The following IGSF3 variants were observed in gnomAD, a reference collection of about 807,000 sequenced individuals.
IGSF3 encodes glu-Trp-Ile EWI motif-containing protein 3.
IGSF3 carries 23 observed loss-of-function variants against 114.4 expected under a neutral mutation model. That is an observed-to-expected ratio of 0.20 (90% CI 0.14 to 0.28). The LOEUF is 0.28. IGSF3 is among the 10% of genes least tolerant of loss of function. The probability of loss-of-function intolerance (pLI) is 1.00; values close to 1 mark genes in which losing one functional copy is unlikely to be tolerated. For synonymous variants in IGSF3, 571 were observed against 645.2 expected, an observed-to-expected ratio of 0.88 and a Z score of 1.74; for missense variants, 1,172 against 1,591.5, an observed-to-expected ratio of 0.74 and a Z score of 4.48.
intron 7 of IGSF3, among the ~76,000 whole-genome samples, chr1:116,599,391 T>TACACACACACAC (rs35774720): frequency 1.4e-5 from 2 of 148,126 alleles, no homozygotes; most frequent in Non-Finnish European, 3.0e-5. Flanking sequence ...CACATACATA[T>TACACACACACAC]ACACACACAC....
chr1:116,638,564 G>A lies in IGSF3; in HGVS notation c.44-22107C>T, dbSNP rs930995830. ...CCACCACTCCCTCCAAACATCCCCG[G>A]TACGTCTTACTGGATTTTGCCATTT... On this transcript the variant is annotated intron_variant, in intron 2 of 10. Coordinates refer to ENST00000369486, the MANE Select transcript of IGSF3 (RefSeq NM_001007237.3). The surrounding 1 kb of genome is among the most constrained non-coding windows in gnomAD (Gnocchi z 4.1). 4.6e-5 allele frequency among the ~76,000 whole-genome samples: 7 copies of A among 152,110 alleles called. No individual in the cohort carries two copies. Among genetic ancestry groups the A allele is most frequent in the Non-Finnish European group, 1.0e-4 (7 of 68,024 alleles).
rs537683042 is a variant in IGSF3 at position 116,666,411 on chromosome 1, C to T, written c.-85G>A. Reference sequence around the variant, plus strand: ...CTCATTTCTGGCAATCCACTTATAGCTCCAGAGAACAGTTTTGGAAATAGA... The same window carrying T: ...CTCATTTCTGGCAATCCACTTATAGTTCCAGAGAACAGTTTTGGAAATAGA... On this transcript the variant is annotated 5_prime_UTR_variant, in exon 2 of 11. Coordinates refer to ENST00000369486, the MANE Select transcript of IGSF3 (RefSeq NM_001007237.3). The T allele has an allele frequency of 4.9e-6, 6 of 1,229,390 alleles. No individual in the cohort carries two copies. The highest frequency in any genetic ancestry group is 4.8e-5 in the South Asian group (4 of 82,946). 76.2% of individuals were successfully genotyped at this position (1,229,390 alleles called of 1,614,324 possible).
intron 2 of IGSF3, among the ~76,000 whole-genome samples, chr1:116,656,875 C>T (rs1648880709): frequency 6.6e-6 from 1 of 152,048 alleles, no homozygotes; most frequent in African/African-American, 2.4e-5. Context: ...TTGCAGTGAG[C>T]CAAGATTGTG....
intron 7 of IGSF3, among the ~76,000 whole-genome samples, chr1:116,599,685 C>T (rs1660489654): frequency 6.6e-6 from 1 of 152,092 alleles, no homozygotes; most frequent in African/African-American, 2.4e-5. Flanking sequence ...GCTTTCCCTC[C>T]AATGGCTCAA....
At position 116,579,635 on chromosome 1, in the gene IGSF3, T is replaced by A. The variant is rs557420352; in HGVS notation, c.3091A>T (p.Thr1031Ser). The stretch of plus-strand genomic sequence containing the variant: ...TCTGGGCCCACGCTCAGCAGGGCCG[T>A]CCGCTCTGTTGGGTCGTCGTCGTCG... ...DDDDDDPTERTALLSVGPDAV... is the reference protein window; with the variant it reads ...DDDDDDPTERSALLSVGPDAV... Residue 1031 changes from threonine (T) to serine (S), a missense_variant, in exon 10 of 11, where the codon ACG becomes TCG. Thr to Ser is a moderately conservative substitution (Grantham distance 58). Transcript: ENST00000369486. The surrounding 1 kb of genome is among the most constrained non-coding windows in gnomAD (Gnocchi z 6.4). 2.6e-5 allele frequency: 42 copies of A among 1,613,376 alleles called. No individual in the cohort carries two copies. The highest frequency in any genetic ancestry group is 3.2e-5 in the Non-Finnish European group (38 of 1,179,814).
chr1:116,658,950 C>T (rs1460595011), intron 2 of IGSF3, among the ~76,000 whole-genome samples: 2 of 152,162 alleles, frequency 1.3e-5, no homozygotes, highest in African/African-American at 4.8e-5. Context: ...AAGCCTTGGT[C>T]GTCTGGATAA....
At position 116,655,709 on chromosome 1, in the gene IGSF3, C is replaced by T. The variant is rs1648818426; in HGVS notation, c.43+10575G>A. ...TCTGGTCCATGAACAAACAAGAACACTTAACTGAATTAGACACAAAACTAA... is the reference window on the plus strand; with the variant it reads ...TCTGGTCCATGAACAAACAAGAACATTTAACTGAATTAGACACAAAACTAA... On this transcript the variant is annotated intron_variant, in intron 2 of 10. Transcript: ENST00000369486. This position sits in a 1 kb window ranked among gnomAD's most constrained non-coding sequence, Gnocchi z 4.3. Among the ~76,000 whole-genome samples the T allele has an allele frequency of 6.6e-6, 1 of 152,138 alleles. No homozygotes were observed. The highest frequency in any genetic ancestry group is 1.5e-5 in the Non-Finnish European group (1 of 68,018).
intron 2 of IGSF3, among the ~76,000 whole-genome samples, chr1:116,658,874 A>AT (rs1241226900): frequency 1.3e-5 from 2 of 152,114 alleles, no homozygotes; most frequent in Non-Finnish European, 2.9e-5. Context: ...TTGCAAATTG[A>AT]TTGACTGTTT....
intron 2 of IGSF3, among the ~76,000 whole-genome samples, chr1:116,641,121 T>C (rs1165980968): frequency 2.6e-5 from 4 of 152,164 alleles, no homozygotes; most frequent in Non-Finnish European, 5.9e-5. Flanking sequence ...CTGATAATTG[T>C]TGGAACTAGG....
Position 116,647,445 on chromosome 1 carries a change from C to A in IGSF3, c.43+18839G>T, listed in dbSNP as rs1193919544. ...ACCATGTCTACAGCCAATCAGCTGA[C>A]CGGGGTGGCAACCCCTGGCTCTGCT... On this transcript the variant is annotated intron_variant, in intron 2 of 10. Transcript: ENST00000369486. The surrounding 1 kb of genome is among the most constrained non-coding windows in gnomAD (Gnocchi z 4.6). Among the ~76,000 whole-genome samples, 1 of 152,358 alleles carries A rather than the reference C, an allele frequency of 6.6e-6. No homozygotes were observed. The highest frequency in any genetic ancestry group is 1.9e-4 in the East Asian group (1 of 5,190).
Position 116,577,157 on chromosome 1 carries a change from T to C in IGSF3, c.*155A>G. On this transcript the variant is annotated 3_prime_UTR_variant, in exon 11 of 11. Transcript: ENST00000369486. The surrounding 1 kb of genome is among the most constrained non-coding windows in gnomAD (Gnocchi z 5.7). ...AAGACTGCCACCGAGAGGCAGTCTG[T>C]CTCTGTGACTGACTGGGAACTTGGA... The C allele has an allele frequency of 2.6e-6, 2 of 759,464 alleles. No homozygotes were observed. Among genetic ancestry groups the C allele is most frequent in the South Asian group, 2.0e-5 (1 of 51,238 alleles). 47.0% of individuals were successfully genotyped at this position (759,464 alleles called of 1,614,324 possible).
chr1:116,608,389 T>G, intron 4 of IGSF3, 58 bp from the exon 5 acceptor site: 1 of 1,246,986 alleles, frequency 8.0e-7, no homozygotes, highest in Non-Finnish European at 1.1e-6. Flanking sequence ...CCCAGCCAAC[T>G]AAACCACATT....
At chr1:116,630,283 A>G (rs2101038307) in intron 2 of IGSF3, among the ~76,000 whole-genome samples, 1 of 152,324 alleles carries the variant, frequency 6.6e-6, no homozygotes, top group East Asian at 1.9e-4. Flanking sequence ...GCCTCTTTGG[A>G]AGAAGACAAA....
intron 2 of IGSF3, among the ~76,000 whole-genome samples, chr1:116,645,213 G>A (rs1648306251): frequency 6.6e-6 from 1 of 152,216 alleles, no homozygotes; most frequent in South Asian, 2.1e-4. Flanking sequence ...GAACATGGAG[G>A]GATCTCAAAA....
Position 116,584,487 on chromosome 1 carries a change from A to AT in IGSF3, c.2848+157dup, listed in dbSNP as rs1355019555. ...CAATTTTCCATTCACAAGAAAAAAA[A>AT]TTCAGGCAATTTTGAATATAAATGC... On this transcript the variant is annotated intron_variant, in intron 9 of 10. Transcript: ENST00000369486. This position sits in a 1 kb window ranked among gnomAD's most constrained non-coding sequence, Gnocchi z 5.8. 20 of 734,560 alleles carry AT rather than the reference A, an allele frequency of 2.7e-5. No homozygotes were observed. The highest frequency in any genetic ancestry group is 1.5e-5 in the Non-Finnish European group (7 of 460,538). The allele number at this position is 734,560 out of a possible 1,614,324, so 45.5% of individuals were successfully genotyped here. A position where few individuals can be genotyped will look rare whatever the true frequency, so the allele number is the denominator to read the frequency against.
At position 116,651,660 on chromosome 1, in the gene IGSF3, C is replaced by T. The variant is rs985971582; in HGVS notation, c.43+14624G>A. Among the ~76,000 whole-genome samples, 8 of 152,138 alleles carry T rather than the reference C, an allele frequency of 5.3e-5. No homozygotes were observed. Among genetic ancestry groups the T allele is most frequent in the Admixed American group, 2.6e-4 (4 of 15,282 alleles). On this transcript the variant is annotated intron_variant, in intron 2 of 10. Transcript: ENST00000369486. This position sits in a 1 kb window ranked among gnomAD's most constrained non-coding sequence, Gnocchi z 4.4. ...TGAACTATGTGACATTATTGACATT[C>T]GACTGCTTCTGACCTATCAAAATGG...
At position 116,607,788 on chromosome 1, in the gene IGSF3, G is replaced by A. The variant is rs1462972586; in HGVS notation, c.1222+154C>T. Among the ~76,000 whole-genome samples, 2 of 152,194 alleles carry A rather than the reference G, an allele frequency of 1.3e-5. No homozygotes were observed. The highest frequency in any genetic ancestry group is 2.9e-5 in the Non-Finnish European group (2 of 68,036). ...ATGTATGCAGGTGGGCTACAACAGG[G>A]AAGAGAGGCTCAATGGTTTTTCCCC... On this transcript the variant is annotated intron_variant, in intron 5 of 10. Coordinates refer to ENST00000369486, the MANE Select transcript of IGSF3 (RefSeq NM_001007237.3). This position sits in a 1 kb window ranked among gnomAD's most constrained non-coding sequence, Gnocchi z 6.1.
Position 116,592,851 on chromosome 1 carries a change from A to T in IGSF3, c.2030-3747T>A, listed in dbSNP as rs1392518800. Among the ~76,000 whole-genome samples, 2 of 152,230 alleles carry T rather than the reference A, an allele frequency of 1.3e-5. No individual in the cohort carries two copies. Among genetic ancestry groups the T allele is most frequent in the African/African-American group, 4.8e-5 (2 of 41,460 alleles). On this transcript the variant is annotated intron_variant, in intron 7 of 10. Coordinates refer to ENST00000369486, the MANE Select transcript of IGSF3 (RefSeq NM_001007237.3). The surrounding 1 kb of genome is among the most constrained non-coding windows in gnomAD (Gnocchi z 4.5). ...AACTAATCAATGAATGGTTGAATAA[A>T]TGTGGTTACTTTTCAAAAGGAGGGG...
In IGSF3 at chr1:116,600,463, C is replaced by T; in HGVS notation, c.1625-118G>A. ...AGTGTGGGACAGAGGCTCTCGGAGC[C>T]CCTTTTGAGCTCTCAGGCTAGTGTT... On this transcript the variant is annotated intron_variant, in intron 6 of 10. Coordinates refer to ENST00000369486, the MANE Select transcript of IGSF3 (RefSeq NM_001007237.3). The surrounding 1 kb of genome is among the most constrained non-coding windows in gnomAD (Gnocchi z 5.5). The T allele has an allele frequency of 7.8e-6, 6 of 767,970 alleles. No individual in the cohort carries two copies. In the South Asian group the frequency reaches 1.1e-4, roughly 14 times the overall value. 47.6% of individuals were successfully genotyped at this position (767,970 alleles called of 1,614,324 possible).
Sources: gnomAD v4.1 joint callset for allele counts (sites outside exome capture counted in the v4.1 genomes callset) on GRCh38, gnomAD v4.1.1 for gene constraint, Gnocchi (gnomAD v3.1) non-coding constraint, MANE v1.5 for transcripts, NCBI Gene and HGNC (gene_info 2026-07-23, HGNC 2026-07-21) for gene names.